The following SNX6 variants were observed in gnomAD, a reference collection of about 807,000 sequenced individuals.
The protein encoded by SNX6 is sorting nexin-6.
A neutral mutation model predicts 63.0 loss-of-function variants in SNX6; 34 were observed. The observed-to-expected ratio is 0.54, with a 90% CI of 0.41 to 0.72. SNX6 has a LOEUF of 0.72. Among genes scored for constraint, SNX6 ranks in the 30% least tolerant of loss-of-function variants. The pLI is 0.00. For synonymous variants in SNX6, 170 were observed against 164.2 expected, an observed-to-expected ratio of 1.04 and a Z score of -0.27; for missense variants, 398 against 471.4, an observed-to-expected ratio of 0.84 and a Z score of 1.44.
intron 10 of SNX6, among the ~76,000 whole-genome samples, chr14:34,579,252 C>G (rs572475436): frequency 6.6e-6 from 1 of 152,048 alleles, no homozygotes; most frequent in South Asian, 2.1e-4. Context: ...TAAAGAAGCC[C>G]AAACTAGAAA....
chr14:34,608,151 A>G lies in SNX6; in HGVS notation c.160-11T>C. On this transcript the variant is annotated splice_polypyrimidine_tract_variant and intron_variant, in intron 3 of 13. Transcript: ENST00000362031. ...ATTTGGCAATGAACTCTGTAAAGAT[A>G]GAGATTTTCTTGAATAAAAATCAAA... 6.8e-7 allele frequency: 1 copy of G among 1,479,624 alleles called. No individual in the cohort carries two copies. The highest frequency in any genetic ancestry group is 9.3e-7 in the Non-Finnish European group (1 of 1,076,438). The allele number at this position is 1,479,624 out of a possible 1,614,324, so 91.7% of individuals were successfully genotyped here. A position where few individuals can be genotyped will look rare whatever the true frequency, so the allele number is the denominator to read the frequency against.
At position 34,567,923 on chromosome 14, in the gene SNX6, G is replaced by T; in HGVS notation, c.1012C>A (p.Leu338Ile). The change falls in exon 12 of 14, where the codon CTA becomes ATA. Residue 338 changes from leucine (L) to isoleucine (I), a missense_variant. Leu to Ile is a conservative substitution (Grantham distance 5). Transcript: ENST00000362031. ...DKARAKNKDVLQAETSQQLCC... is the reference protein window; with the variant it reads ...DKARAKNKDVIQAETSQQLCC... ...AATTGTTGGGAAGTTTCGGCCTGTA[G>T]AACATCTTTATTTTTTGCTCTTGCT... 6.2e-7 allele frequency: 1 copy of T among 1,613,660 alleles called. No homozygotes were observed. The highest frequency in any genetic ancestry group is 8.5e-7 in the Non-Finnish European group (1 of 1,180,028).
At position 34,615,517 on chromosome 14, in the gene SNX6, T is replaced by A. The variant is rs187536451; in HGVS notation, c.55-5775A>T. ...GATTATAGGCGTAAGCCACCGCACC[T>A]GGCTAAATTCTCTCTTGTATACCTT... On this transcript the variant is annotated intron_variant, in intron 2 of 13. Transcript: ENST00000362031. 1.4e-4 allele frequency among the ~76,000 whole-genome samples: 22 copies of A among 152,180 alleles called. No homozygotes were observed. In the East Asian group the frequency reaches 4.2e-3, roughly 29 times the overall value.
At chr14:34,624,539 T>C (rs1883749524) in intron 2 of SNX6, among the ~76,000 whole-genome samples, 1 of 152,118 alleles carries the variant, frequency 6.6e-6, no homozygotes, top group Non-Finnish European at 1.5e-5. Flanking sequence ...GGCTCACACC[T>C]GTAATCCCAG....
At chr14:34,580,372 A>G (rs1881887416) in intron 10 of SNX6, among the ~76,000 whole-genome samples, 1 of 152,068 alleles carries the variant, frequency 6.6e-6, no homozygotes, top group African/African-American at 2.4e-5. Context: ...GCACAATCAT[A>G]ACTCACTATA....
chr14:34,586,182 T>C, intron 9 of SNX6, 48 bp downstream of exon 9: 1 of 1,217,512 alleles, frequency 8.2e-7, no homozygotes, highest in Non-Finnish European at 1.2e-6. Flanking sequence ...ATTACAGGCG[T>C]GAGCCACCGC....
At chr14:34,625,330 A>C (rs1883786060) in intron 2 of SNX6, among the ~76,000 whole-genome samples, 1 of 152,244 alleles carries the variant, frequency 6.6e-6, no homozygotes, top group Non-Finnish European at 1.5e-5. Context: ...AAGGAAATTT[A>C]AACAGGCCAG....
chr14:34,575,736 T>TA lies in SNX6; in HGVS notation c.921+19dup. The TA allele has an allele frequency of 1.4e-6, 2 of 1,461,940 alleles. No homozygotes were observed. Among genetic ancestry groups the TA allele is most frequent in the Admixed American group, 2.0e-5 (1 of 50,134 alleles). 90.6% of individuals were successfully genotyped at this position (1,461,940 alleles called of 1,614,324 possible). On this transcript the variant is annotated intron_variant, in intron 11 of 13. Coordinates refer to ENST00000362031, the MANE Select transcript of SNX6 (RefSeq NM_152233.4). The stretch of plus-strand genomic sequence containing the variant: ...ATGGCTGTTTGTAAAATGGCTCATT[T>TA]AAAAAAAGATTAAAATTACCTTAGC...
chr14:34,597,761 G>A, intron 6 of SNX6, 116 bp from the exon 7 acceptor site: 1 of 618,024 alleles, frequency 1.6e-6, no homozygotes. Flanking sequence ...TCTTAATAAA[G>A]TGGAAATTTC....
intron 2 of SNX6, among the ~76,000 whole-genome samples, chr14:34,610,712 A>C (rs1883195618): frequency 6.6e-6 from 1 of 152,108 alleles, no homozygotes; most frequent in Non-Finnish European, 1.5e-5. Context: ...TAATTTTTAA[A>C]CTTCATCTGT....
intron 10 of SNX6, 41 bp from the exon 11 acceptor site, chr14:34,575,883 C>T (rs771080305): frequency 1.7e-6 from 2 of 1,158,594 alleles, no homozygotes; most frequent in South Asian, 2.7e-5. Flanking sequence ...TCAACAACTA[C>T]ATTCTCCTCT....
Position 34,605,625 on chromosome 14 carries a change from T to G in SNX6, c.363A>C (p.Glu121Asp). 6.3e-7 allele frequency: 1 copy of G among 1,596,604 alleles called. No homozygotes were observed. Among genetic ancestry groups the G allele is most frequent in the Non-Finnish European group, 8.5e-7 (1 of 1,174,334 alleles). ...GEGEGSMTKE[E>D]FTKMKQELEA... ...CCAGTTCCTGTTTCATCTTTGTGAA[T>G]TCTTCCTTCGTCATTGACCCTTCTC... Residue 121 changes from glutamate (E) to aspartate (D), a missense_variant, in exon 5 of 14, where the codon GAA (glutamate) becomes GAC (aspartate). Physicochemically the swap from Glu to Asp is conservative, Grantham distance 45. Coordinates refer to ENST00000362031, the MANE Select transcript of SNX6 (RefSeq NM_152233.4).
chr14:34,623,914 AG>A (rs539042427), intron 2 of SNX6, among the ~76,000 whole-genome samples: 4 of 152,196 alleles, frequency 2.6e-5, no homozygotes, highest in Non-Finnish European at 5.9e-5. Flanking sequence ...TTATTTAACA[AG>A]CACATCAGAA....
chr14:34,603,068 G>C (rs1166612743), intron 6 of SNX6, among the ~76,000 whole-genome samples: 2 of 151,614 alleles, frequency 1.3e-5, no homozygotes, highest in Non-Finnish European at 2.9e-5. Context: ...ATGAGGTCAG[G>C]AGATCGAGAC....
chr14:34,600,687 A>G (rs1003137254), intron 6 of SNX6, among the ~76,000 whole-genome samples: 2 of 152,172 alleles, frequency 1.3e-5, no homozygotes, highest in Non-Finnish European at 2.9e-5. Flanking sequence ...CAAGATTTGT[A>G]TCAGTCATTC....
At chr14:34,604,767 TAA>T (rs1395956378) in intron 5 of SNX6, among the ~76,000 whole-genome samples, 2 of 150,720 alleles carry the variant, frequency 1.3e-5, no homozygotes, top group Admixed American at 1.3e-4. Context: ...ATTTTTTAAA[TAA>T]AGACATGATG....
At chr14:34,585,128 T>C (rs1257410727) in intron 9 of SNX6, among the ~76,000 whole-genome samples, 1 of 152,112 alleles carries the variant, frequency 6.6e-6, no homozygotes, top group Non-Finnish European at 1.5e-5. Context: ...CTGAGATTAC[T>C]GGCGTGAGCC....
intron 2 of SNX6, among the ~76,000 whole-genome samples, chr14:34,611,937 C>T (rs1300681745): frequency 5.9e-5 from 9 of 151,998 alleles, no homozygotes; most frequent in African/African-American, 1.9e-4. Flanking sequence ...CACCACCACG[C>T]CTGGCTCATT....
chr14:34,601,414 C>T (rs1423222728), intron 6 of SNX6, among the ~76,000 whole-genome samples: 2 of 150,892 alleles, frequency 1.3e-5, no homozygotes, highest in Admixed American at 6.6e-5. Flanking sequence ...TAAGTAGAGA[C>T]GGGGTTTCAC....
Sources: gnomAD v4.1 joint callset for allele counts (sites outside exome capture counted in the v4.1 genomes callset) on GRCh38, gnomAD v4.1.1 for gene constraint, MANE v1.5 for transcripts, NCBI Gene and HGNC (gene_info 2026-07-23, HGNC 2026-07-21) for gene names.